The following AHDC1 variants were observed in gnomAD, a reference collection of about 807,000 sequenced individuals.
The protein encoded by AHDC1 is AT-hook DNA binding motif containing 1, also known as transcription factor Gibbin.
A neutral mutation model predicts 87.9 loss-of-function variants in AHDC1; 7 were observed. That is an observed-to-expected ratio of 0.08 (90% CI 0.05 to 0.15). The LOEUF (loss-of-function observed/expected upper bound fraction) is 0.15, where lower values mean the gene tolerates loss of function less well. Ranked by LOEUF, AHDC1 falls within the 10% of genes least tolerant of loss-of-function variation. The probability of loss-of-function intolerance (pLI) is 1.00; values close to 1 mark genes in which losing one functional copy is unlikely to be tolerated. For missense variants in AHDC1, 1,841 were observed against 2,253.2 expected, an observed-to-expected ratio of 0.82 and a Z score of 3.70; for synonymous variants, 1,051 against 1,006.8, an observed-to-expected ratio of 1.04 and a Z score of -0.83.
chr1:27,549,584 G>C lies in AHDC1; in HGVS notation c.2532C>G (p.Leu844=). The change falls in exon 8 of 9, where the codon CTC becomes CTG. Residue 844 remains leucine (L), a synonymous_variant. Transcript: ENST00000673934. The part of the protein sequence containing the change: ...NLFTGYFRSL[L]DSDDSSDLLD... ...AGAGATCGGAGGAGTCATCCGAATCGAGCAGCGAGCGAAAGTAGCCGGTGA... is the reference window on the plus strand; with the variant it reads ...AGAGATCGGAGGAGTCATCCGAATCCAGCAGCGAGCGAAAGTAGCCGGTGA... The C allele has an allele frequency of 3.7e-6, 6 of 1,613,160 alleles. No homozygotes were observed. Among genetic ancestry groups the C allele is most frequent in the East Asian group, 2.2e-5 (1 of 44,884 alleles).
chr1:27,551,040 A>T lies in AHDC1; in HGVS notation c.1076T>A (p.Leu359Gln). 1 of 1,558,002 alleles carries T rather than the reference A, an allele frequency of 6.4e-7. No individual in the cohort carries two copies. Among genetic ancestry groups the T allele is most frequent in the Non-Finnish European group, 8.7e-7 (1 of 1,155,234 alleles). ...EPQQPLGHCP[L>Q]AEPLRLDLCS... ...CAAGTCCAGGCGCAAGGGCTCGGCC[A>T]GTGGGCAGTGCCCCAGGGGCTGCTG... The change falls in exon 8 of 9, where the codon CTG becomes CAG. Residue 359 changes from leucine to glutamine, a missense_variant. By Grantham distance (113) the Leu-to-Gln change is moderately radical. Transcript: ENST00000673934.
rs1012254058 is a variant in AHDC1 at position 27,560,632 on chromosome 1, G to A, written c.-628-1749C>T. Among the ~76,000 whole-genome samples the A allele has an allele frequency of 3.0e-4, 45 of 152,140 alleles. No homozygotes were observed. Among genetic ancestry groups the A allele is most frequent in the African/African-American group, 1.1e-3 (44 of 41,408 alleles). On this transcript the variant is annotated intron_variant, in intron 3 of 8. Coordinates refer to ENST00000673934, the MANE Select transcript of AHDC1 (RefSeq NM_001371928.1). The surrounding 1 kb of genome is among the most constrained non-coding windows in gnomAD (Gnocchi z 4.1). The stretch of plus-strand genomic sequence containing the variant: ...CATGGGTCAGTATGTGCTCGTGTGT[G>A]TGTCCATGCATGTGTGGATTTGTGT...
rs901668427 is a variant in AHDC1 at position 27,565,882 on chromosome 1, G to A, written c.-628-6999C>T. On this transcript the variant is annotated intron_variant, in intron 3 of 8. Coordinates refer to ENST00000673934, the MANE Select transcript of AHDC1 (RefSeq NM_001371928.1). The surrounding 1 kb of genome is among the most constrained non-coding windows in gnomAD (Gnocchi z 4.6). Reference sequence around the variant, plus strand: ...ATGGAGCCCATCCCCTAAAACCCTGGAAAGGCAGACTCACACTCTTGTTTC... The same window carrying A: ...ATGGAGCCCATCCCCTAAAACCCTGAAAAGGCAGACTCACACTCTTGTTTC... Among the ~76,000 whole-genome samples the A allele has an allele frequency of 6.6e-6, 1 of 152,138 alleles. No individual in the cohort carries two copies. The highest frequency in any genetic ancestry group is 1.5e-5 in the Non-Finnish European group (1 of 68,012).
In AHDC1 at chr1:27,549,287, G is replaced by A; in HGVS notation, c.2829C>T (p.Thr943=). ...PAASDCRAAE[T]FPKLVPPPSA... ...AGGGCGGGGGCACCAGCTTGGGGAA[G>A]GTCTCGGCTGCCCGGCAGTCTGAAG... The change falls in exon 8 of 9, where the codon ACC becomes ACT. Residue 943 remains threonine, a synonymous_variant. Coordinates refer to ENST00000673934, the MANE Select transcript of AHDC1 (RefSeq NM_001371928.1). 3.7e-6 allele frequency: 6 copies of A among 1,603,744 alleles called. No homozygotes were observed. The highest frequency in any genetic ancestry group is 5.1e-6 in the Non-Finnish European group (6 of 1,173,030).
intron 5 of AHDC1, among the ~76,000 whole-genome samples, chr1:27,555,316 A>C (rs1180682167): frequency 6.6e-6 from 1 of 152,200 alleles, no homozygotes; most frequent in Non-Finnish European, 1.5e-5. Context: ...TTTACAGATG[A>C]GGAAACTGAG....
Position 27,550,945 on chromosome 1 carries a change from T to C in AHDC1, c.1171A>G (p.Lys391Glu). 6.3e-7 allele frequency: 1 copy of C among 1,599,272 alleles called. No homozygotes were observed. Among genetic ancestry groups the C allele is most frequent in the Non-Finnish European group, 8.5e-7 (1 of 1,178,524 alleles). The change falls in exon 8 of 9, where the codon AAG becomes GAG. Residue 391 changes from lysine (K) to glutamate (E), a missense_variant. Physicochemically the swap from Lys to Glu is moderately conservative, Grantham distance 56 (BLOSUM62 1). Transcript: ENST00000673934. ...GCTTTCCGCCGGCGACACAGGATCTTTGGCCTATCAGTGCGCCGCAAGGCG... is the reference window on the plus strand; with the variant it reads ...GCTTTCCGCCGGCGACACAGGATCTCTGGCCTATCAGTGCGCCGCAAGGCG... ...KYALRRTDRP[K>E]ILCRRRKAGR...
At chr1:27,535,885 G>A (rs2148182056) in intron 8 of AHDC1, among the ~76,000 whole-genome samples, 1 of 152,156 alleles carries the variant, frequency 6.6e-6, no homozygotes, top group South Asian at 2.1e-4. Context: ...GCTCTGCTAG[G>A]GTGAGTGAGA....
intron 3 of AHDC1, among the ~76,000 whole-genome samples, chr1:27,585,556 T>C (rs1173720579): frequency 6.6e-6 from 1 of 152,222 alleles, no homozygotes; most frequent in Non-Finnish European, 1.5e-5. Flanking sequence ...GAAAGGTTCC[T>C]GTGGTAGGGT....
At chr1:27,592,463 C>T (rs558335924) in intron 3 of AHDC1, among the ~76,000 whole-genome samples, 2 of 152,288 alleles carry the variant, frequency 1.3e-5, no homozygotes, top group South Asian at 2.1e-4. Context: ...CACAGGGGTG[C>T]GGAGCTGGGG....
At chr1:27,591,545 C>T (rs930814175) in intron 3 of AHDC1, among the ~76,000 whole-genome samples, 6 of 152,226 alleles carry the variant, frequency 3.9e-5, no homozygotes, top group African/African-American at 1.4e-4. Context: ...GTCACAGCAG[C>T]TACCTGGAGG....
In AHDC1 at chr1:27,551,350, C is replaced by A; in HGVS notation, c.766G>T (p.Ala256Ser). The change falls in exon 8 of 9, where the codon GCC (alanine) becomes TCC (serine). Residue 256 changes from alanine (A) to serine (S), a missense_variant. Coordinates refer to ENST00000673934, the MANE Select transcript of AHDC1 (RefSeq NM_001371928.1). ...SELASLTCPE[A>S]QLLEAQALEP... ...AGGGCCTGGGCCTCTAGCAGCTGGG[C>A]CTCTGGGCAAGTGAGGGAGGCCAGC... The A allele has an allele frequency of 1.2e-6, 2 of 1,613,540 alleles. No individual in the cohort carries two copies. Among genetic ancestry groups the A allele is most frequent in the Non-Finnish European group, 1.7e-6 (2 of 1,179,920 alleles).
At chr1:27,589,529 C>CG (rs1319630391) in intron 3 of AHDC1, among the ~76,000 whole-genome samples, 2 of 152,120 alleles carry the variant, frequency 1.3e-5, no homozygotes, top group Non-Finnish European at 2.9e-5. Context: ...TGGGTCCATG[C>CG]GGCCTTGGTG....
intron 8 of AHDC1, among the ~76,000 whole-genome samples, chr1:27,546,754 G>C (rs2019186101): frequency 6.6e-6 from 1 of 152,176 alleles, no homozygotes; most frequent in Admixed American, 6.5e-5. Flanking sequence ...CCCTCACCAG[G>C]CTGCCTCTTA....
At chr1:27,541,001 T>TAAAAAAAAGAAA (rs2018880497) in intron 8 of AHDC1, among the ~76,000 whole-genome samples, 1 of 72,370 alleles carries the variant, frequency 1.4e-5, no homozygotes, top group African/African-American at 5.8e-5. Context: ...CTAAAAATGC[T>TAAAAAAAAGAAA]AAAAAAAAAA....
chr1:27,593,332 C>T lies in AHDC1; in HGVS notation c.-629+10065G>A, dbSNP rs963170513. The stretch of plus-strand genomic sequence containing the variant: ...GCCTGCAGCAATCTTTAAAATTCCT[C>T]CAGCCCAACCTCTCTCCCTCTCTCC... On this transcript the variant is annotated intron_variant, in intron 3 of 8. Transcript: ENST00000673934. The surrounding 1 kb of genome is among the most constrained non-coding windows in gnomAD (Gnocchi z 4.9). Among the ~76,000 whole-genome samples the T allele has an allele frequency of 2.6e-5, 4 of 152,308 alleles. No homozygotes were observed. Among genetic ancestry groups the T allele is most frequent in the South Asian group, 2.1e-4 (1 of 4,830 alleles).
intron 3 of AHDC1, among the ~76,000 whole-genome samples, chr1:27,596,531 T>TG (rs2089376256): frequency 6.6e-6 from 1 of 152,020 alleles, no homozygotes; most frequent in South Asian, 2.1e-4. Context: ...GTGCTTGTGC[T>TG]GGATGTTCCT....
chr1:27,547,248 T>TC lies in AHDC1; in HGVS notation c.*43+12dup. On this transcript the variant is annotated intron_variant, in intron 8 of 8. Coordinates refer to ENST00000673934, the MANE Select transcript of AHDC1 (RefSeq NM_001371928.1). The surrounding 1 kb of genome is among the most constrained non-coding windows in gnomAD (Gnocchi z 4.9). ...CAGGCCTCTGCCCACTGCGCCCACA[T>TC]CCCCAGACTCACCCAGGAACAAAAC... 2.0e-6 allele frequency: 3 copies of TC among 1,494,696 alleles called. No homozygotes were observed. The highest frequency in any genetic ancestry group is 2.7e-6 in the Non-Finnish European group (3 of 1,118,708). 92.6% of individuals were successfully genotyped at this position (1,494,696 alleles called of 1,614,324 possible). A position where few individuals can be genotyped will look rare whatever the true frequency, so the allele number is the denominator to read the frequency against.
intron 3 of AHDC1, among the ~76,000 whole-genome samples, chr1:27,601,407 C>T (rs2089525335): frequency 6.6e-6 from 1 of 152,220 alleles, no homozygotes; most frequent in Admixed American, 6.5e-5. Context: ...GGGCATCTGC[C>T]CCAAAGCCAG....
rs952115552 is a variant in AHDC1, at chr1:27,562,099, G to T, written c.-628-3216C>A. ...TCTGCAGGAGCCTGAGAAAGAGGCA[G>T]CGAAGCAGAGGCAGGGTGGGCCGGG... On this transcript the variant is annotated intron_variant, in intron 3 of 8. Coordinates refer to ENST00000673934, the MANE Select transcript of AHDC1 (RefSeq NM_001371928.1). This position sits in a 1 kb window ranked among gnomAD's most constrained non-coding sequence, Gnocchi z 4.4. 6.6e-6 allele frequency among the ~76,000 whole-genome samples: 1 copy of T among 152,116 alleles called. No homozygotes were observed. Among genetic ancestry groups the T allele is most frequent in the African/African-American group, 2.4e-5 (1 of 41,400 alleles).
Sources: allele counts gnomAD v4.1 joint callset (sites outside exome capture counted in the v4.1 genomes callset), GRCh38; gene constraint gnomAD v4.1.1; non-coding constraint Gnocchi (gnomAD v3.1); transcripts MANE v1.5; gene names NCBI Gene and HGNC (gene_info 2026-07-23, HGNC 2026-07-21).